TRERF1: variants seen among roughly 807,000 people sequenced by gnomAD.
The protein encoded by TRERF1 is transcriptional regulating factor 1.
In TRERF1, 27 loss-of-function variants were observed where a neutral mutation model predicts 122.9. That is an observed-to-expected ratio of 0.22 (90% confidence interval 0.16 to 0.30). The LOEUF (loss-of-function observed/expected upper bound fraction) is 0.30, where lower values mean the gene tolerates loss of function less well. Ranked by LOEUF, TRERF1 falls within the 10% of genes least tolerant of loss-of-function variation. The probability of loss-of-function intolerance (pLI) is 1.00; values close to 1 mark genes in which losing one functional copy is unlikely to be tolerated. For missense variants in TRERF1, 1,248 were observed against 1,560.3 expected, an observed-to-expected ratio of 0.80 and a Z score of 3.37; for synonymous variants, 636 against 641.7, an observed-to-expected ratio of 0.99 and a Z score of 0.13.
In TRERF1 at chr6:42,450,803, C is replaced by A. The variant is rs189588869; in HGVS notation, c.-454+374G>T. On this transcript the variant is annotated intron_variant, in intron 2 of 17. Transcript: ENST00000372922. Reference sequence around the variant, plus strand: ...GAGTACCCAGCCCCCACAGAGCCCGCAGGCGCGTATACATACACATATGTA... The same window carrying A: ...GAGTACCCAGCCCCCACAGAGCCCGAAGGCGCGTATACATACACATATGTA... Among the ~76,000 whole-genome samples the A allele has an allele frequency of 6.3e-3, 957 of 152,330 alleles. 8 individuals carry two copies. Among genetic ancestry groups the A allele is most frequent in the Middle Eastern group, 0.014 (4 of 294 alleles).
chr6:42,337,937 G>A (rs1418267529), intron 3 of TRERF1, among the ~76,000 whole-genome samples: 1 of 152,194 alleles, frequency 6.6e-6, no homozygotes, highest in Non-Finnish European at 1.5e-5. Flanking sequence ...ACCTGGACCA[G>A]CAACAGCAGC....
At chr6:42,435,011 T>G (rs260256) in intron 2 of TRERF1, among the ~76,000 whole-genome samples, 1 of 151,636 alleles carries the variant, frequency 6.6e-6, no homozygotes, top group Admixed American at 6.6e-5. Context: ...GTGCCTGTAA[T>G]CCCAGCTACT....
At chr6:42,404,324 T>C (rs778117824) in intron 2 of TRERF1, among the ~76,000 whole-genome samples, 7 of 152,148 alleles carry the variant, frequency 4.6e-5, no homozygotes, top group Non-Finnish European at 1.0e-4. Flanking sequence ...GGGGTCACCG[T>C]AGACTCCCCT....
chr6:42,363,377 G>T (rs1054297758), intron 2 of TRERF1, among the ~76,000 whole-genome samples: 1 of 152,148 alleles, frequency 6.6e-6, no homozygotes, highest in African/African-American at 2.4e-5. Context: ...AGCAAAGGAC[G>T]CCAGCTTCAA....
chr6:42,277,193 C>T (rs1781292004), intron 4 of TRERF1, among the ~76,000 whole-genome samples: 1 of 152,148 alleles, frequency 6.6e-6, no homozygotes, highest in Admixed American at 6.5e-5. Context: ...CTGGAGGAGG[C>T]AGCCATGGTC....
intron 4 of TRERF1, among the ~76,000 whole-genome samples, chr6:42,291,142 A>G (rs1404511247): frequency 6.6e-6 from 1 of 152,208 alleles, no homozygotes; most frequent in East Asian, 1.9e-4. Context: ...TGAAAGGAGG[A>G]AATTAACATG....
chr6:42,279,159 A>T (rs374896305), intron 4 of TRERF1, among the ~76,000 whole-genome samples: 2 of 152,106 alleles, frequency 1.3e-5, no homozygotes, highest in African/African-American at 4.8e-5. Flanking sequence ...TCACAGAAGG[A>T]TGAGGTCACT....
chr6:42,254,905 G>A, exon 13 of TRERF1: 1 of 1,614,218 alleles, frequency 6.2e-7, no homozygotes, highest in Non-Finnish European at 8.5e-7. Flanking sequence ...GGCTTCCGCA[G>A]TAGCAGCATT....
intron 2 of TRERF1, among the ~76,000 whole-genome samples, chr6:42,434,128 T>C (rs1010299185): frequency 6.6e-6 from 1 of 151,706 alleles, no homozygotes; most frequent in Non-Finnish European, 1.5e-5. Context: ...TAGAAAAAAA[T>C]ACATAAAGGC....
intron 3 of TRERF1, among the ~76,000 whole-genome samples, chr6:42,303,060 G>A (rs1408197711): frequency 1.3e-5 from 2 of 152,214 alleles, no homozygotes; most frequent in African/African-American, 4.8e-5. Flanking sequence ...TCCCTAAGAA[G>A]AGATTATTGG....
Position 42,365,636 on chromosome 6 carries a change from A to G in TRERF1, c.-453-2557T>C, listed in dbSNP as rs1305411547. On this transcript the variant is annotated intron_variant, in intron 2 of 17. Transcript: ENST00000372922. ...AGCCTCTATCTATAGATGACAAAAC[A>G]GGTTGAAAGAGATGAAGTAATTTGC... 4.6e-5 allele frequency among the ~76,000 whole-genome samples: 7 copies of G among 152,220 alleles called. No individual in the cohort carries two copies. The South Asian group carries it at 1.4e-3, about 31-fold the overall frequency.
intron 2 of TRERF1, among the ~76,000 whole-genome samples, chr6:42,364,868 C>T (rs1772432598): frequency 6.6e-6 from 1 of 152,148 alleles, no homozygotes; most frequent in South Asian, 2.1e-4. Context: ...GAGGAAGTTG[C>T]TGCTGCAGGA....
intron 2 of TRERF1, among the ~76,000 whole-genome samples, chr6:42,377,478 G>A (rs1220091650): frequency 2.0e-5 from 3 of 152,154 alleles, no homozygotes; most frequent in African/African-American, 7.2e-5. Flanking sequence ...GTTCATCCAT[G>A]TTGTAGCATG....
intron 3 of TRERF1, among the ~76,000 whole-genome samples, chr6:42,303,621 T>C (rs1266948799): frequency 6.6e-6 from 1 of 152,066 alleles, no homozygotes; most frequent in African/African-American, 2.4e-5. Context: ...GCATTAAAGA[T>C]GTACAGGTTT....
At chr6:42,433,838 G>A (rs1784853607) in intron 2 of TRERF1, among the ~76,000 whole-genome samples, 1 of 151,872 alleles carries the variant, frequency 6.6e-6, no homozygotes, top group Non-Finnish European at 1.5e-5. Context: ...GATAAACAGA[G>A]CAAGACCCCA....
chr6:42,436,814 A>AAAAAAATAT (rs61427173), intron 2 of TRERF1, among the ~76,000 whole-genome samples: 4 of 66,694 alleles, frequency 6.0e-5, no homozygotes, highest in East Asian at 1.1e-3. Context: ...AAAAAAAAAA[A>AAAAAAATAT]ATATATATAT....
chr6:42,394,148 C>T (rs1280765015), intron 2 of TRERF1, among the ~76,000 whole-genome samples: 2 of 152,150 alleles, frequency 1.3e-5, no homozygotes, highest in Non-Finnish European at 2.9e-5. Context: ...CCCAGGAAGA[C>T]ACCCCTCTAG....
chr6:42,261,226 A>G (rs1777814235), intron 8 of TRERF1, among the ~76,000 whole-genome samples: 1 of 152,210 alleles, frequency 6.6e-6, no homozygotes, highest in Non-Finnish European at 1.5e-5. Context: ...CGGGTAACAG[A>G]TAAGATCATC....
In TRERF1 at chr6:42,428,279, A is replaced by G. The variant is rs971945873; in HGVS notation, c.-454+22898T>C. 2.0e-5 allele frequency among the ~76,000 whole-genome samples: 3 copies of G among 152,240 alleles called. No homozygotes were observed. In the East Asian group the frequency reaches 5.8e-4, roughly 29 times the overall value. On this transcript the variant is annotated intron_variant, in intron 2 of 17. Coordinates refer to ENST00000372922, the Ensembl canonical transcript of TRERF1. Reference sequence around the variant, plus strand: ...ATTTTCCCCTTAATTTATCAGTACCATCTGCATTATAATGTAACTGAATAT... The same window carrying G: ...ATTTTCCCCTTAATTTATCAGTACCGTCTGCATTATAATGTAACTGAATAT...
Sources: allele counts gnomAD v4.1 joint callset (sites outside exome capture counted in the v4.1 genomes callset), GRCh38; gene constraint gnomAD v4.1.1; transcripts MANE v1.5; gene names NCBI Gene and HGNC (gene_info 2026-07-23, HGNC 2026-07-21).